DLC1: variants seen among roughly 807,000 people sequenced by gnomAD.
The protein encoded by DLC1 is DLC1 Rho GTPase activating protein.
A neutral mutation model predicts 140.3 loss-of-function variants in DLC1; 54 were observed. The ratio of observed to expected loss-of-function variants is 0.38; its 90% CI spans 0.31 to 0.48. DLC1 has a LOEUF of 0.48. Among genes scored for constraint, DLC1 ranks in the 20% least tolerant of loss-of-function variants. The pLI is 0.96. For missense variants in DLC1, 2,536 were observed against 1,907.0 expected, an observed-to-expected ratio of 1.33 and a Z score of -6.14; for synonymous variants, 986 against 728.1, an observed-to-expected ratio of 1.35 and a Z score of -5.70.
intron 4 of DLC1, among the ~76,000 whole-genome samples, chr8:13,380,682 A>G (rs942070146): frequency 3.3e-5 from 5 of 152,224 alleles, no homozygotes; most frequent in Non-Finnish European, 5.9e-5. Flanking sequence ...TGGTATTCAT[A>G]ATCACAGCTC....
intron 1 of DLC1, among the ~76,000 whole-genome samples, chr8:13,582,693 T>C (rs1031347145): frequency 2.0e-5 from 3 of 151,490 alleles, no homozygotes; most frequent in African/African-American, 7.3e-5. Flanking sequence ...TCCATATATA[T>C]ATATATTTTT....
chr8:13,394,118 G>C (rs559016068), intron 3 of DLC1, among the ~76,000 whole-genome samples: 6 of 152,188 alleles, frequency 3.9e-5, no homozygotes, highest in Non-Finnish European at 7.3e-5. Context: ...CAAATACAAA[G>C]AGAGTTCTCA....
At chr8:13,445,225 G>C (rs1585119906) in intron 2 of DLC1, among the ~76,000 whole-genome samples, 1 of 152,296 alleles carries the variant, frequency 6.6e-6, no homozygotes, top group Non-Finnish European at 1.5e-5. Flanking sequence ...CTCAATTTCT[G>C]TTCAAAAGTC....
chr8:13,445,638 A>G (rs1798742798), intron 2 of DLC1, among the ~76,000 whole-genome samples: 1 of 152,222 alleles, frequency 6.6e-6, no homozygotes, highest in South Asian at 2.1e-4. Flanking sequence ...TCTATGACAG[A>G]CCAGTGACTA....
chr8:13,519,637 T>C (rs1461873706), upstream of DLC1, among the ~76,000 whole-genome samples: 1 of 152,206 alleles, frequency 6.6e-6, no homozygotes, highest in Non-Finnish European at 1.5e-5. Context: ...TCTTAAATTA[T>C]CAAAAGTAGC....
rs577500207 is a variant in DLC1 at position 13,393,459 on chromosome 8, A to G, written c.1314+94T>C. The G allele has an allele frequency of 1.6e-5, 22 of 1,334,900 alleles. No individual in the cohort carries two copies. The East Asian group carries it at 4.3e-4, about 26-fold the overall frequency. 82.7% of individuals were successfully genotyped at this position (1,334,900 alleles called of 1,614,324 possible). On this transcript the variant is annotated intron_variant, in intron 4 of 17. Transcript: ENST00000276297. ...TTAAGTCACTATGGCTAAGATTCCA[A>G]CAGTATTTCTTCTATATCGAATGAA...
intron 2 of DLC1, among the ~76,000 whole-genome samples, chr8:13,437,232 A>G (rs1387622894): frequency 6.6e-6 from 1 of 152,190 alleles, no homozygotes; most frequent in Non-Finnish European, 1.5e-5. Flanking sequence ...AACATAAATC[A>G]AAGTAAAGTG....
intron 2 of DLC1, among the ~76,000 whole-genome samples, chr8:13,447,738 A>T (rs772271722): frequency 2.6e-4 from 40 of 152,184 alleles, no homozygotes; most frequent in Non-Finnish European, 5.0e-4. Flanking sequence ...ATTTGCTTCT[A>T]TGCTGGAGTA....
chr8:13,253,840 GA>G (rs1437112455), intron 5 of DLC1, among the ~76,000 whole-genome samples: 1 of 151,950 alleles, frequency 6.6e-6, no homozygotes, highest in Non-Finnish European at 1.5e-5. Context: ...AGAGTCTGGG[GA>G]AAAAAACTCA....
chr8:13,417,214 T>C (rs1299554579), intron 2 of DLC1, among the ~76,000 whole-genome samples: 1 of 152,124 alleles, frequency 6.6e-6, no homozygotes, highest in Non-Finnish European at 1.5e-5. Flanking sequence ...TTCTTTATTA[T>C]TATTATTATT....
chr8:13,431,646 C>G (rs939022365), intron 2 of DLC1, among the ~76,000 whole-genome samples: 3 of 151,800 alleles, frequency 2.0e-5, no homozygotes, highest in Non-Finnish European at 4.4e-5. Context: ...AGACATACAT[C>G]TGCTTTAGAA....
intron 4 of DLC1, among the ~76,000 whole-genome samples, chr8:13,316,061 C>T (rs1248260759): frequency 6.6e-6 from 1 of 152,162 alleles, no homozygotes; most frequent in African/African-American, 2.4e-5. Flanking sequence ...CCAACACCTC[C>T]CTTTCAAGAA....
At chr8:13,466,175 C>T (rs1057111508) in intron 2 of DLC1, among the ~76,000 whole-genome samples, 1 of 152,154 alleles carries the variant, frequency 6.6e-6, no homozygotes, top group Non-Finnish European at 1.5e-5. Flanking sequence ...CCATGGGAAT[C>T]CTGCTTAGGT....
At chr8:13,431,441 C>A (rs79267326) in intron 2 of DLC1, among the ~76,000 whole-genome samples, 44,619 of 138,700 alleles carry the variant, frequency 0.32, 7,178 homozygotes, top group African/African-American at 0.39. Flanking sequence ...CAAGATCACG[C>A]CACTGCACTC....
intron 5 of DLC1, chr8:13,133,315 G>T: frequency 8.3e-7 from 1 of 1,203,174 alleles, no homozygotes; most frequent in South Asian, 2.1e-5. Flanking sequence ...CGCCAGCCGG[G>T]CCCTCCCGCT....
chr8:13,125,026 G>A (rs180822264), intron 5 of DLC1, among the ~76,000 whole-genome samples: 1 of 151,636 alleles, frequency 6.6e-6, no homozygotes, highest in East Asian at 1.9e-4. Flanking sequence ...ACCCACGCTG[G>A]AGTGCAGTAG....
intron 1 of DLC1, among the ~76,000 whole-genome samples, chr8:13,524,103 TTCTA>T (rs1802842742): frequency 8.0e-6 from 1 of 124,800 alleles, no homozygotes; most frequent in Non-Finnish European, 1.6e-5. Flanking sequence ...TTGTTATCTA[TTCTA>T]TTTATTATTA....
chr8:13,151,514 T>C (rs1435323512), intron 5 of DLC1, among the ~76,000 whole-genome samples: 2 of 152,210 alleles, frequency 1.3e-5, no homozygotes, highest in African/African-American at 4.8e-5. Context: ...ATCTGCATTT[T>C]CAAATCAATG....
intron 2 of DLC1, among the ~76,000 whole-genome samples, chr8:13,408,025 T>C (rs560085263): frequency 6.6e-5 from 10 of 152,304 alleles, no homozygotes; most frequent in African/African-American, 2.2e-4. Flanking sequence ...TTCATGTAAA[T>C]TGACAGTAAG....
Sources: allele counts gnomAD v4.1 joint callset (sites outside exome capture counted in the v4.1 genomes callset), GRCh38; gene constraint gnomAD v4.1.1; transcripts MANE v1.5; gene names NCBI Gene and HGNC (gene_info 2026-07-23, HGNC 2026-07-21).